ADCY10: variants seen among roughly 807,000 people sequenced by gnomAD.
ADCY10 encodes the protein adenylate cyclase 10, also known as adenylate cyclase type 10.
A neutral mutation model predicts 183.3 loss-of-function variants in ADCY10; 156 were observed. That is an observed-to-expected ratio of 0.85 (90% CI 0.75 to 0.97). The LOEUF (loss-of-function observed/expected upper bound fraction) is 0.97, where lower values mean the gene tolerates loss of function less well. ADCY10 is among the 50% of genes least tolerant of loss of function. The pLI is 0.00. For missense variants in ADCY10, 1,745 were observed against 1,934.3 expected (o/e 0.90, Z 1.84); for synonymous variants, 645 against 670.0 (o/e 0.96, Z 0.58).
At chr1:167,901,547 G>A in intron 5 of ADCY10, 115 bp downstream of exon 5, 1 of 1,061,380 alleles carries the variant, frequency 9.4e-7, no homozygotes, top group Non-Finnish European at 1.5e-6. Context: ...AAAGTTCAGG[G>A]CATCATGGGG....
At chr1:167,906,539 G>A (rs986314298) in intron 1 of ADCY10, among the ~76,000 whole-genome samples, 7 of 151,196 alleles carry the variant, frequency 4.6e-5, no homozygotes, top group African/African-American at 2.4e-5. Flanking sequence ...TATAATCCCA[G>A]CACTTTGGGA....
chr1:167,882,307 A>C (rs1667916905), intron 9 of ADCY10, among the ~76,000 whole-genome samples: 1 of 152,074 alleles, frequency 6.6e-6, no homozygotes, highest in African/African-American at 2.4e-5. Context: ...CAACATGGCG[A>C]AACCTCATCT....
intron 8 of ADCY10, among the ~76,000 whole-genome samples, chr1:167,887,956 G>A (rs1451808708): frequency 6.6e-6 from 1 of 152,046 alleles, no homozygotes; most frequent in Non-Finnish European, 1.5e-5. Flanking sequence ...CTTGATTTTT[G>A]TATATAGCAA....
intron 21 of ADCY10, among the ~76,000 whole-genome samples, chr1:167,840,096 G>T (rs928062730): frequency 6.6e-6 from 1 of 151,708 alleles, no homozygotes; most frequent in Non-Finnish European, 1.5e-5. Context: ...GCAGCACATG[G>T]TGGCATGTGC....
chr1:167,821,293 T>G (rs1160556646), intron 30 of ADCY10: 2 of 153,072 alleles, frequency 1.3e-5, no homozygotes, highest in East Asian at 3.8e-4. Context: ...GGGAGAATGC[T>G]GCTTCCTCAC....
rs146056821 is a variant in ADCY10 at position 167,880,145 on chromosome 1, C to T, written c.1186G>A (p.Val396Ile). 72 of 1,613,168 alleles carry T rather than the reference C, an allele frequency of 4.5e-5. No homozygotes were observed. Among genetic ancestry groups the T allele is most frequent in the South Asian group, 3.5e-4 (32 of 90,662 alleles). The change falls in exon 11 of 33, where the codon GTT becomes ATT. Residue 396 changes from valine (V) to isoleucine (I), a missense_variant. Physicochemically the swap from Val to Ile is conservative, Grantham distance 29. Coordinates refer to ENST00000367851, the MANE Select transcript of ADCY10 (RefSeq NM_018417.6). ...VASGIVFCGIVGHTVRHEYTV... is the reference protein window; with the variant it reads ...VASGIVFCGIIGHTVRHEYTV... ...TACTCGTGTCTCACAGTGTGTCCAA[C>T]GATCCCACAGAAGACAATCCCACTG...
rs1319358455 is a variant in ADCY10, at chr1:167,837,304, T to C, written c.3022A>G (p.Ile1008Val). The C allele has an allele frequency of 2.5e-6, 4 of 1,613,930 alleles. No individual in the cohort carries two copies. Among genetic ancestry groups the C allele is most frequent in the Non-Finnish European group, 2.5e-6 (3 of 1,179,914 alleles). ...SHGFKTEEKL[I>V]LSNSEIPETS... ...TCAGGAATCTCTGAGTTGGACAAGATAAGCTTTTCTTCAGCTAGAAAATAA... is the reference window on the plus strand; with the variant it reads ...TCAGGAATCTCTGAGTTGGACAAGACAAGCTTTTCTTCAGCTAGAAAATAA... Residue 1008 changes from isoleucine to valine, a missense_variant, in exon 22 of 33, where the codon ATC becomes GTC. Coordinates refer to ENST00000367851, the MANE Select transcript of ADCY10 (RefSeq NM_018417.6).
Position 167,833,112 on chromosome 1 carries a change from C to T in ADCY10, c.3468G>A (p.Lys1156=). 3 of 1,614,166 alleles carry T rather than the reference C, an allele frequency of 1.9e-6. No individual in the cohort carries two copies. The highest frequency in any genetic ancestry group is 1.7e-6 in the Non-Finnish European group (2 of 1,180,026). The change falls in exon 25 of 33, where the codon AAG becomes AAA. Residue 1156 remains lysine, a synonymous_variant. Transcript: ENST00000367851. ...QIVLAKKMLR[K]ALKLLNRIFP... ...AGATTCGGTTGAGGAGCTTCAGTGCCTTCCTCAGCATTTTCTTGGCAAGCA... is the reference window on the plus strand; with the variant it reads ...AGATTCGGTTGAGGAGCTTCAGTGCTTTCCTCAGCATTTTCTTGGCAAGCA...
chr1:167,849,366 T>C (rs951921031), intron 18 of ADCY10, among the ~76,000 whole-genome samples: 1 of 152,306 alleles, frequency 6.6e-6, no homozygotes, highest in African/African-American at 2.4e-5. Flanking sequence ...CCTTCAGCCA[T>C]TCATGTAGTC....
In ADCY10 at chr1:167,870,367, T is replaced by G. The variant is rs1558212552; in HGVS notation, c.1506A>C (p.Lys502Asn). 2.5e-6 allele frequency: 4 copies of G among 1,613,316 alleles called. No individual in the cohort carries two copies. The highest frequency in any genetic ancestry group is 3.4e-6 in the Non-Finnish European group (4 of 1,179,370). Residue 502 changes from lysine to asparagine, a missense_variant, in exon 14 of 33, where the codon AAA becomes AAC. Physicochemically the swap from Lys to Asn is moderately conservative, Grantham distance 94. Coordinates refer to ENST00000367851, the MANE Select transcript of ADCY10 (RefSeq NM_018417.6). Reference protein sequence around the residue: ...EINYFMYTMKKFLISNSSQVL... With the variant: ...EINYFMYTMKNFLISNSSQVL... Reference sequence around the variant, plus strand: ...CTTGGCTGCTGTTAGATATCAAAAATTTCTTCATAGTATACATGAAGTAGT... The same window carrying G: ...CTTGGCTGCTGTTAGATATCAAAAAGTTCTTCATAGTATACATGAAGTAGT...
chr1:167,844,671 G>A (rs1389665587), intron 21 of ADCY10, among the ~76,000 whole-genome samples: 1 of 152,134 alleles, frequency 6.6e-6, no homozygotes, highest in African/African-American at 2.4e-5. Flanking sequence ...GTTAATATGA[G>A]GATCCACTGA....
At chr1:167,888,728 T>C (rs1668395176) in intron 8 of ADCY10, among the ~76,000 whole-genome samples, 1 of 151,708 alleles carries the variant, frequency 6.6e-6, no homozygotes, top group South Asian at 2.1e-4. Context: ...CACAAAAAAT[T>C]AGCGGGGCGT....
chr1:167,860,953 C>T lies in ADCY10; in HGVS notation c.1727G>A (p.Arg576Gln), dbSNP rs1666240828. Reference protein sequence around the residue: ...GLDTCKHYKERQTNLRNKVMT... With the variant: ...GLDTCKHYKEQQTNLRNKVMT... ...GACTTTATTTCGAAGGTTGGTCTGT[C>T]GTTCTTTATAATGTTTACAAGTGTC... Residue 576 changes from arginine to glutamine, a missense_variant, in exon 15 of 33, where the codon CGA becomes CAA. Physicochemically the swap from Arg to Gln is conservative, Grantham distance 43. Coordinates refer to ENST00000367851, the MANE Select transcript of ADCY10 (RefSeq NM_018417.6). The T allele has an allele frequency of 3.7e-6, 6 of 1,614,092 alleles. No homozygotes were observed. The highest frequency in any genetic ancestry group is 5.1e-6 in the Non-Finnish European group (6 of 1,180,004).
At chr1:167,909,553 G>T (rs941052258) in intron 1 of ADCY10, among the ~76,000 whole-genome samples, 1 of 147,694 alleles carries the variant, frequency 6.8e-6, no homozygotes, top group Non-Finnish European at 1.5e-5. Context: ...AGATTTTTTT[G>T]TGATTTTTTT....
chr1:167,911,207 G>A (rs1009900770), intron 1 of ADCY10, among the ~76,000 whole-genome samples: 9 of 152,170 alleles, frequency 5.9e-5, no homozygotes, highest in Non-Finnish European at 1.2e-4. Flanking sequence ...TGAGGGTAGA[G>A]GTATAAAAAG....
At chr1:167,833,284 A>G (rs1663914766) in intron 24 of ADCY10, 122 bp from the exon 25 acceptor site, 1 of 912,020 alleles carries the variant, frequency 1.1e-6, no homozygotes, top group Admixed American at 1.8e-5. Flanking sequence ...TGGACCAGAA[A>G]CAAAATCTTC....
Position 167,848,367 on chromosome 1 carries a change from AT to A in ADCY10, c.2430del (p.Leu811Ter), listed in dbSNP as rs754094260. ...VRLKNLSPPT[S>X]LKEISLIQLD... Reference sequence around the variant, plus strand: ...CCCGGCCAGATTTTCTTACCTTTTAATGACGTTGGAGGTGACAGGTTTTTCA... The same window carrying A: ...CCCGGCCAGATTTTCTTACCTTTTAAGACGTTGGAGGTGACAGGTTTTTCA... On this transcript the variant is annotated frameshift_variant, in exon 19 of 33. Transcript: ENST00000367851. LOFTEE classifies it high-confidence loss of function. 2 of 1,613,308 alleles carry A rather than the reference AT, an allele frequency of 1.2e-6. No individual in the cohort carries two copies. Among genetic ancestry groups the A allele is most frequent in the South Asian group, 2.2e-5 (2 of 91,072 alleles).
At position 167,905,127 on chromosome 1, in the gene ADCY10, T is replaced by A. The variant is rs1444197223; in HGVS notation, c.14A>T (p.Lys5Ile). The change falls in exon 2 of 33, where the codon AAA (lysine) becomes ATA (isoleucine). Residue 5 changes from lysine (K) to isoleucine (I), a missense_variant. Coordinates refer to ENST00000367851, the MANE Select transcript of ADCY10 (RefSeq NM_018417.6). ...TATGGGCCAGTCCTGGAATTCTTCT[T>A]TTGGAGTGTTCATGTTCAAGACAAA... is the stretch of plus-strand genomic sequence containing the variant. MNTP[K>I]EEFQDWPIVR... 1 of 1,614,238 alleles carries A rather than the reference T, an allele frequency of 6.2e-7. No individual in the cohort carries two copies. The highest frequency in any genetic ancestry group is 1.7e-5 in the Admixed American group (1 of 60,024).
At position 167,854,274 on chromosome 1, in the gene ADCY10, T is replaced by C. The variant is rs3738236; in HGVS notation, c.2308+79A>G. 0.53 allele frequency: 831,116 copies of C among 1,572,106 alleles called. 223,719 individuals are homozygous for C. Among genetic ancestry groups the C allele is most frequent in the African/African-American group, 0.71 (52,713 of 74,046 alleles). ...TACAGGAAGCAGCCTGTGGAATAGC[T>C]CATTTTTGCTACCTTCTCTGAATGA... On this transcript the variant is annotated intron_variant, in intron 18 of 32. Transcript: ENST00000367851.
Sources: allele counts gnomAD v4.1 joint callset (sites outside exome capture counted in the v4.1 genomes callset), GRCh38; gene constraint gnomAD v4.1.1; transcripts MANE v1.5; gene names NCBI Gene and HGNC (gene_info 2026-07-23, HGNC 2026-07-21).